YTHDF3: variants seen among roughly 807,000 people sequenced by gnomAD.
YTHDF3 encodes the protein YTH domain-containing family protein 3.
A neutral mutation model predicts 52.5 loss-of-function variants in YTHDF3; 9 were observed. The observed-to-expected ratio is 0.17, with a 90% CI of 0.10 to 0.30. The LOEUF (loss-of-function observed/expected upper bound fraction) is 0.30, where lower values mean the gene tolerates loss of function less well. Among genes scored for constraint, YTHDF3 ranks in the 10% least tolerant of loss-of-function variants. The probability of loss-of-function intolerance (pLI) is 1.00; values close to 1 mark genes in which losing one functional copy is unlikely to be tolerated. For missense variants in YTHDF3, 534 were observed against 715.0 expected (o/e 0.75, Z 2.89); for synonymous variants, 274 against 243.3 (o/e 1.13, Z -1.18).
chr8:63,200,415 CT>C (rs1273775255), intron 4 of YTHDF3, among the ~76,000 whole-genome samples: 4 of 150,440 alleles, frequency 2.7e-5, no homozygotes, highest in African/African-American at 9.7e-5. Flanking sequence ...ATTTCTTTTT[CT>C]TTTTTTTCTT....
intron 2 of YTHDF3, among the ~76,000 whole-genome samples, chr8:63,170,403 A>C (rs1807246441): frequency 6.6e-6 from 1 of 152,182 alleles, no homozygotes; most frequent in South Asian, 2.1e-4. Flanking sequence ...TATGTAGATT[A>C]GTTTCCTCTG....
intron 2 of YTHDF3, 30 bp downstream of exon 2, chr8:63,169,441 C>G: frequency 6.4e-7 from 1 of 1,568,024 alleles, no homozygotes. Flanking sequence ...TTTCTTATTG[C>G]TCAATGTTGC....
intron 4 of YTHDF3, among the ~76,000 whole-genome samples, chr8:63,195,731 C>CGTGTGTGTGTGTGTGT (rs61277098): frequency 1.4e-5 from 2 of 145,266 alleles, no homozygotes; most frequent in Admixed American, 6.8e-5. Flanking sequence ...CATGTATTTA[C>CGTGTGTGTGTGTGTGT]GTGTGTGTGT....
intron 4 of YTHDF3, among the ~76,000 whole-genome samples, chr8:63,204,361 G>GTTGT (rs1383755512): frequency 5.0e-4 from 62 of 124,854 alleles, no homozygotes; most frequent in African/African-American, 1.6e-3. Context: ...TGTGTTTGTT[G>GTTGT]TTTTTTTTTT....
intron 2 of YTHDF3, among the ~76,000 whole-genome samples, chr8:63,170,124 A>C (rs893046194): frequency 1.3e-5 from 2 of 152,212 alleles, no homozygotes; most frequent in Non-Finnish European, 2.9e-5. Flanking sequence ...ACATTATGAC[A>C]TTAGTCATGT....
At chr8:63,181,564 A>T (rs1342537477) in intron 3 of YTHDF3, among the ~76,000 whole-genome samples, 1 of 152,212 alleles carries the variant, frequency 6.6e-6, no homozygotes, top group Non-Finnish European at 1.5e-5. Context: ...ACAGACGTGT[A>T]CACACACCTA....
intron 3 of YTHDF3, among the ~76,000 whole-genome samples, chr8:63,176,345 G>A (rs1227458531): frequency 2.6e-5 from 4 of 151,588 alleles, no homozygotes; most frequent in African/African-American, 4.8e-5. Context: ...GCAGTGGTGC[G>A]ATCTCAGCTC....
chr8:63,174,794 T>C (rs1807577258), intron 2 of YTHDF3, among the ~76,000 whole-genome samples: 1 of 152,228 alleles, frequency 6.6e-6, no homozygotes, highest in Admixed American at 6.5e-5. Flanking sequence ...AGTCTATTCA[T>C]TGTGATATTG....
intron 4 of YTHDF3, among the ~76,000 whole-genome samples, chr8:63,198,870 A>G (rs975101083): frequency 2.0e-5 from 3 of 152,202 alleles, no homozygotes; most frequent in South Asian, 2.1e-4. Flanking sequence ...TATAAAATCT[A>G]CTTTTGTAAA....
At chr8:63,175,765 T>C (rs750136027) in intron 3 of YTHDF3, 4 of 157,296 alleles carry the variant, frequency 2.5e-5, no homozygotes, top group Non-Finnish European at 5.6e-5. Context: ...ATAAAAGGCT[T>C]AATTAGCTAG....
chr8:63,187,068 C>T lies in YTHDF3; in HGVS notation c.1057C>T (p.Arg353Cys). ...GCCTCAACAGCAGCAGCTGCAGAAT[C>T]GCTGGGTAGCTCCTCGTAACAGGGG... ...VQPQQQQLQN[R>C]WVAPRNRGAG... The change falls in exon 4 of 5, where the codon CGC (arginine) becomes TGC (cysteine). Residue 353 changes from arginine to cysteine, a missense_variant. Transcript: ENST00000539294. 3.1e-6 allele frequency: 5 copies of T among 1,613,660 alleles called. No individual in the cohort carries two copies. Among genetic ancestry groups the T allele is most frequent in the Admixed American group, 1.7e-5 (1 of 59,932 alleles).
chr8:63,201,403 A>T (rs941050887), intron 4 of YTHDF3, among the ~76,000 whole-genome samples: 2 of 152,232 alleles, frequency 1.3e-5, no homozygotes, highest in African/African-American at 4.8e-5. Context: ...TGTGTTTTCA[A>T]TTACATAGGA....
rs1160463083 is a variant in YTHDF3 at position 63,186,148 on chromosome 8, G to A, written c.137G>A (p.Ser46Asn). The A allele has an allele frequency of 3.1e-6, 5 of 1,603,194 alleles. No homozygotes were observed. The highest frequency in any genetic ancestry group is 3.4e-6 in the Non-Finnish European group (4 of 1,171,916). ...EPYLSSQTNQ[S>N]NSYPPMSDPY... ...TGATTGTGATATTTTGTTTTGCAGA[G>A]TAACAGCTATCCACCAATGTCAGAT... Residue 46 changes from serine (S) to asparagine (N), a missense_variant and splice_region_variant, in exon 4 of 5, where the codon AGT becomes AAT. Transcript: ENST00000539294.
At chr8:63,205,123 C>T (rs1563414149) in intron 4 of YTHDF3, among the ~76,000 whole-genome samples, 1 of 151,936 alleles carries the variant, frequency 6.6e-6, no homozygotes, top group Non-Finnish European at 1.5e-5. Flanking sequence ...TGCTGGTGTC[C>T]ATTGTATTTG....
At chr8:63,171,968 A>G (rs1807357923) in intron 2 of YTHDF3, among the ~76,000 whole-genome samples, 1 of 152,230 alleles carries the variant, frequency 6.6e-6, no homozygotes, top group Non-Finnish European at 1.5e-5. Flanking sequence ...AATTCATTAC[A>G]GAAGCCAAAA....
intron 3 of YTHDF3, among the ~76,000 whole-genome samples, chr8:63,178,970 T>C (rs1807887599): frequency 6.6e-6 from 1 of 152,178 alleles, no homozygotes; most frequent in South Asian, 2.1e-4. Flanking sequence ...TTTTAAAAAT[T>C]AAATTCATTT....
chr8:63,177,758 T>A (rs78654067), intron 3 of YTHDF3, among the ~76,000 whole-genome samples: 87 of 151,682 alleles, frequency 5.7e-4, no homozygotes, highest in Non-Finnish European at 1.0e-3. Flanking sequence ...TTCAAACTCT[T>A]ATTTTTTTTT....
intron 4 of YTHDF3, among the ~76,000 whole-genome samples, chr8:63,199,195 G>A (rs748909265): frequency 2.0e-5 from 3 of 152,102 alleles, no homozygotes; most frequent in African/African-American, 4.8e-5. Flanking sequence ...ACTTTATCAA[G>A]TTAATCATAG....
Position 63,168,725 on chromosome 8 carries a change from A to C in YTHDF3, c.-153A>C. On this transcript the variant is annotated 5_prime_UTR_variant, in exon 1 of 5. Transcript: ENST00000539294. The stretch of plus-strand genomic sequence containing the variant: ...GACGGGCCTCTTCCTCCGACTCCCG[A>C]GCGCGAGGCCCTCATTTTGGGTTCT... 14 of 1,469,070 alleles carry C rather than the reference A, an allele frequency of 9.5e-6. No homozygotes were observed. The highest frequency in any genetic ancestry group is 1.3e-5 in the Non-Finnish European group (14 of 1,081,850). 91.0% of individuals were successfully genotyped at this position (1,469,070 alleles called of 1,614,324 possible). A position where few individuals can be genotyped will look rare whatever the true frequency, so the allele number is the denominator to read the frequency against.
Sources: allele counts gnomAD v4.1 joint callset (sites outside exome capture counted in the v4.1 genomes callset), GRCh38; gene constraint gnomAD v4.1.1; transcripts MANE v1.5; gene names NCBI Gene and HGNC (gene_info 2026-07-23, HGNC 2026-07-21).